Variants in AFF3 observed in about 807,000 individuals in gnomAD.
AFF3 encodes AF4/FMR2 family member 3.
AFF3 carries 32 observed loss-of-function variants against 129.7 expected under a neutral mutation model. The observed-to-expected ratio is 0.25, with a 90% CI of 0.19 to 0.33. The LOEUF (loss-of-function observed/expected upper bound fraction) is 0.33, where lower values mean the gene tolerates loss of function less well. AFF3 is among the 10% of genes least tolerant of loss of function. The pLI is 1.00. For missense variants in AFF3, 1,373 were observed against 1,592.0 expected, an observed-to-expected ratio of 0.86 and a Z score of 2.34; for synonymous variants, 644 against 635.4, an observed-to-expected ratio of 1.01 and a Z score of -0.20.
At chr2:99,830,678 G>A (rs759788688) in intron 8 of AFF3, among the ~76,000 whole-genome samples, 10 of 152,158 alleles carry the variant, frequency 6.6e-5, no homozygotes, top group African/African-American at 9.7e-5. Flanking sequence ...TTGAACCAAG[G>A]AGGCCGAGAT....
Position 99,549,050 on chromosome 2 carries a change from G to A in AFF3, c.*2424C>T, listed in dbSNP as rs1363322091. On this transcript the variant is annotated 3_prime_UTR_variant, in exon 25 of 25. Transcript: ENST00000672756. ...CCCACCTGTCAAATGGGGCTTCACA[G>A]GGAAGCTCATCACATAGATGTTACA... 4.4e-6 allele frequency: 1 copy of A among 228,304 alleles called. No individual in the cohort carries two copies. The highest frequency in any genetic ancestry group is 8.7e-6 in the Non-Finnish European group (1 of 115,062). 14.1% of individuals were successfully genotyped at this position (228,304 alleles called of 1,614,324 possible).
intron 7 of AFF3, among the ~76,000 whole-genome samples, chr2:99,911,375 G>A (rs1323074418): frequency 2.0e-5 from 3 of 150,940 alleles, no homozygotes; most frequent in East Asian, 3.9e-4. Context: ...GCAACAGAGT[G>A]AGACTTCATC....
rs116370039 is a variant in AFF3 at position 99,814,122 on chromosome 2, A to G, written c.921+23355T>C. On this transcript the variant is annotated intron_variant, in intron 8 of 24. Coordinates refer to ENST00000672756, the MANE Select transcript of AFF3 (RefSeq NM_001386135.1). ...CCAAGAAAGAAACTTTCTTGGGGGAAAGTTGCTGTAGTATGTGGCATTTTT... is the reference window on the plus strand; with the variant it reads ...CCAAGAAAGAAACTTTCTTGGGGGAGAGTTGCTGTAGTATGTGGCATTTTT... Among the ~76,000 whole-genome samples, 710 of 151,906 alleles carry G rather than the reference A, an allele frequency of 4.7e-3. 1 individual carries two copies. Among genetic ancestry groups the G allele is most frequent in the African/African-American group, 0.017 (686 of 41,258 alleles).
Position 99,819,935 on chromosome 2 carries a change from G to T in AFF3, c.921+17542C>A, listed in dbSNP as rs1229254324. ...CTCTTACTGGGGGTAATGTGGGAAG[G>T]ATGCCTCCACCAGGAGGTGCCAGTC... is the stretch of plus-strand genomic sequence containing the variant. On this transcript the variant is annotated intron_variant, in intron 8 of 24. Transcript: ENST00000672756. 2.0e-5 allele frequency among the ~76,000 whole-genome samples: 3 copies of T among 152,210 alleles called. No individual in the cohort carries two copies. In the East Asian group the frequency reaches 5.8e-4, roughly 29 times the overall value.
intron 11 of AFF3, among the ~76,000 whole-genome samples, chr2:99,712,364 T>C (rs1677971552): frequency 6.6e-6 from 1 of 152,186 alleles, no homozygotes; most frequent in Non-Finnish European, 1.5e-5. Flanking sequence ...CATCTGTAAA[T>C]TGAGGAAAGA....
At chr2:99,578,569 A>G in intron 17 of AFF3, 118 bp from the exon 18 acceptor site, 1 of 1,427,082 alleles carries the variant, frequency 7.0e-7, no homozygotes, top group Non-Finnish European at 9.4e-7. Flanking sequence ...TGTGTGCTGT[A>G]TTAGAATTGA....
intron 13 of AFF3, among the ~76,000 whole-genome samples, chr2:99,642,132 A>G (rs546449205): frequency 6.6e-6 from 1 of 152,364 alleles, no homozygotes; most frequent in East Asian, 1.9e-4. Context: ...ACGAAGCACA[A>G]AAATGAGGGG....
rs532774659 is a variant in AFF3 at position 99,572,699 on chromosome 2, G to C, written c.2919-3784C>G. 53 of 452,894 alleles carry C rather than the reference G, an allele frequency of 1.2e-4. 2 individuals carry two copies. Among genetic ancestry groups the C allele is most frequent in the South Asian group, 8.1e-4 (52 of 63,816 alleles). 28.1% of individuals were successfully genotyped at this position (452,894 alleles called of 1,614,324 possible). ...AGCTTGTCATCTGATAAGCCCCAGA[G>C]GTGTTAATATGTCCCAAGCTTTGAG... On this transcript the variant is annotated intron_variant, in intron 18 of 24. Transcript: ENST00000672756.
chr2:99,560,585 T>C, intron 20 of AFF3, 149 bp from the exon 21 acceptor site: 1 of 752,064 alleles, frequency 1.3e-6, no homozygotes, highest in Non-Finnish European at 2.2e-6. Flanking sequence ...TAATTCTTTC[T>C]TAAAAGCTAG....
Position 99,565,558 on chromosome 2 carries a change from A to C in AFF3, c.3048T>G (p.Asn1016Lys). ...EAALSFIECG[N>K]AMEQGPMESK... ...ATTCCATGGGGCCTTGTTCCATTGCATTTCCACACTCGATAAACGACAATG... is the reference window on the plus strand; with the variant it reads ...ATTCCATGGGGCCTTGTTCCATTGCCTTTCCACACTCGATAAACGACAATG... The change falls in exon 20 of 25, where the codon AAT (asparagine) becomes AAG (lysine). Residue 1016 changes from asparagine to lysine, a missense_variant. Physicochemically the swap from Asn to Lys is moderately conservative, Grantham distance 94. This residue lies in a region of AFF3 where 65 missense variants were observed against 102.1 expected (regional missense o/e 0.64). Coordinates refer to ENST00000672756, the MANE Select transcript of AFF3 (RefSeq NM_001386135.1). The C allele has an allele frequency of 1.2e-6, 2 of 1,614,184 alleles. No homozygotes were observed. Among genetic ancestry groups the C allele is most frequent in the Non-Finnish European group, 1.7e-6 (2 of 1,180,040 alleles).
intron 17 of AFF3, 92 bp from the exon 18 acceptor site, chr2:99,578,543 CT>C: frequency 6.5e-7 from 1 of 1,533,984 alleles, no homozygotes; most frequent in Non-Finnish European, 8.8e-7. Flanking sequence ...ATATCTTTGG[CT>C]CTACAGAACA....
rs61351679 is a variant in AFF3 at position 99,966,689 on chromosome 2, C to CAAAAAAAAAAAA, written c.873+39931_873+39942dup. On this transcript the variant is annotated intron_variant, in intron 7 of 24. Transcript: ENST00000672756. The stretch of plus-strand genomic sequence containing the variant: ...TGGGCGACAGAGCGAGACTCCGTCT[C>CAAAAAAAAAAAA]AAAAAAAAAAAAAAAAAAAAAAAAA... Among the ~76,000 whole-genome samples, 48 of 36,706 alleles carry CAAAAAAAAAAAA rather than the reference C, an allele frequency of 1.3e-3. 2 individuals are homozygous for CAAAAAAAAAAAA. The highest frequency in any genetic ancestry group is 2.0e-3 in the East Asian group (1 of 490). The allele number at this position is 36,706 out of a possible 152,430, so 24.1% of individuals were successfully genotyped here. A position where few individuals can be genotyped will look rare whatever the true frequency, so the allele number is the denominator to read the frequency against.
In AFF3 at chr2:99,549,840, C is replaced by T. The variant is rs759295536; in HGVS notation, c.*1634G>A. On this transcript the variant is annotated 3_prime_UTR_variant, in exon 25 of 25. Coordinates refer to ENST00000672756, the MANE Select transcript of AFF3 (RefSeq NM_001386135.1). ...CTAACAAAAATGTTAACACTGCAAA[C>T]CAACCTGTAAGAATATCAGTGAATG... The T allele has an allele frequency of 4.5e-6, 1 of 220,380 alleles. No homozygotes were observed. Among genetic ancestry groups the T allele is most frequent in the African/African-American group, 2.2e-5 (1 of 44,608 alleles). 13.7% of individuals were successfully genotyped at this position (220,380 alleles called of 1,614,324 possible).
At chr2:99,649,476 A>G in intron 13 of AFF3, 150 bp downstream of exon 13, 2 of 832,452 alleles carry the variant, frequency 2.4e-6, no homozygotes, top group Non-Finnish European at 3.9e-6. Context: ...AACTCCACAC[A>G]TGCATGATAA....
intron 14 of AFF3, among the ~76,000 whole-genome samples, chr2:99,599,818 AAAGAAGCCTGCTTAACTCTTCT>A (rs1429102122): frequency 3.9e-5 from 6 of 152,226 alleles, no homozygotes; most frequent in African/African-American, 1.4e-4. Flanking sequence ...AGCAGGCTTT[AAAGAAGCCTGCTTAACTCTTCT>A]ACTTTATTTA....
chr2:99,706,528 C>G (rs1677410133), intron 11 of AFF3, among the ~76,000 whole-genome samples: 1 of 152,112 alleles, frequency 6.6e-6, no homozygotes, highest in Non-Finnish European at 1.5e-5. Flanking sequence ...TTTGTAGTAT[C>G]TTTAATGTAA....
intron 22 of AFF3, among the ~76,000 whole-genome samples, chr2:99,557,029 T>C (rs1360082752): frequency 6.6e-6 from 1 of 152,164 alleles, no homozygotes; most frequent in Non-Finnish European, 1.5e-5. Flanking sequence ...TATAGTATAC[T>C]TGAAAATCTC....
intron 7 of AFF3, among the ~76,000 whole-genome samples, chr2:99,928,020 T>G (rs182819233): frequency 0.13 from 20,432 of 152,064 alleles, 1,524 homozygotes; most frequent in Non-Finnish European, 0.16. Context: ...ACACAAGCTC[T>G]CTCTCTGCCT....
chr2:100,053,135 T>C (rs571862728), intron 4 of AFF3, among the ~76,000 whole-genome samples: 1 of 152,354 alleles, frequency 6.6e-6, no homozygotes, highest in Admixed American at 6.5e-5. Flanking sequence ...TATGTTTACC[T>C]TTTATCATCA....
Sources: gnomAD v4.1 joint callset for allele counts (sites outside exome capture counted in the v4.1 genomes callset) on GRCh38, gnomAD v4.1.1 for gene constraint, gnomAD v4.1.1 regional missense constraint, MANE v1.5 for transcripts, NCBI Gene and HGNC (gene_info 2026-07-23, HGNC 2026-07-21) for gene names.